The following JMJD4 variants were observed in gnomAD, a reference collection of about 807,000 sequenced individuals.
The protein encoded by JMJD4 is 2-oxoglutarate and iron-dependent oxygenase JMJD4.
Under a neutral mutation model 36.3 loss-of-function variants are expected in JMJD4, and 34 were observed. That is an observed-to-expected ratio of 0.94 (90% CI 0.71 to 1.25). The LOEUF (loss-of-function observed/expected upper bound fraction) is 1.25. Ranked by LOEUF, JMJD4 falls within the 50% of genes most tolerant of loss-of-function variation. The probability of loss-of-function intolerance (pLI) is 0.00; values close to 1 mark genes in which losing one functional copy is unlikely to be tolerated. For synonymous variants in JMJD4, 269 were observed against 235.3 expected (o/e 1.14, Z -1.31); for missense variants, 584 against 559.1 (o/e 1.04, Z -0.45).
At chr1:227,733,317 C>T in intron 4 of JMJD4, 97 bp downstream of exon 4, 4 of 1,345,456 alleles carry the variant, frequency 3.0e-6, no homozygotes, top group Non-Finnish European at 4.0e-6. Flanking sequence ...TGAGCCACCC[C>T]ATTCCAGCCC....
At position 227,733,443 on chromosome 1, in the gene JMJD4, T is replaced by G. The variant is rs775085027; in HGVS notation, c.793A>C (p.Ser265Arg). ...TTGTGCACCTGGTGGTGCCAGCCAC[T>G]GGGCACAAACACCATCTCGCCCGCT... ...QEAGEMVFVP[S>R]GWHHQVHNLD... The change falls in exon 4 of 6, where the codon AGT becomes CGT. Residue 265 changes from serine to arginine, a missense_variant. Physicochemically the swap from Ser to Arg is moderately radical, Grantham distance 110. Coordinates refer to ENST00000620518, the MANE Select transcript of JMJD4 (RefSeq NM_023007.3). 1.9e-6 allele frequency: 3 copies of G among 1,582,026 alleles called. No individual in the cohort carries two copies. Among genetic ancestry groups the G allele is most frequent in the Non-Finnish European group, 2.6e-6 (3 of 1,164,740 alleles).
Position 227,735,275 on chromosome 1 carries a change from C to A in JMJD4, c.-2G>T. The A allele has an allele frequency of 6.2e-7, 1 of 1,606,444 alleles. No homozygotes were observed. The highest frequency in any genetic ancestry group is 8.5e-7 in the Non-Finnish European group (1 of 1,177,524). ...GAGGGCGCGCGTCTCGCGGTCCATC[C>A]AGCTCAGCACGGGTCGAAGGACCCT... On this transcript the variant is annotated 5_prime_UTR_variant, in exon 1 of 6. Transcript: ENST00000620518.
rs1431013882 is a variant in JMJD4 at position 227,732,737 on chromosome 1, C to T, written c.970-61G>A. 1.9e-6 allele frequency: 3 copies of T among 1,597,148 alleles called. No homozygotes were observed. In the African/African-American group the frequency reaches 4.0e-5, roughly 21 times the overall value. ...TGGACACAGTCCAAGCTGCAAAGGACCCGACATGCGCCCAGTCCCCAAGGA... is the reference window on the plus strand; with the variant it reads ...TGGACACAGTCCAAGCTGCAAAGGATCCGACATGCGCCCAGTCCCCAAGGA... On this transcript the variant is annotated intron_variant, in intron 5 of 5. Coordinates refer to ENST00000620518, the MANE Select transcript of JMJD4 (RefSeq NM_023007.3).
intron 2 of JMJD4, 106 bp from the exon 3 acceptor site, chr1:227,734,138 G>C (rs1660886117): frequency 7.6e-7 from 1 of 1,317,940 alleles, no homozygotes; most frequent in South Asian, 1.4e-5. Flanking sequence ...GGAGCTTCCA[G>C]ATGGCTGCAG....
chr1:227,734,263 C>T (rs537361968), intron 2 of JMJD4: 4 of 535,132 alleles, frequency 7.5e-6, no homozygotes, highest in Non-Finnish European at 1.3e-5. Flanking sequence ...TGCCTATAAT[C>T]CCAGTGCTTT....
Position 227,732,393 on chromosome 1 carries a change from T to C in JMJD4, c.1253A>G (p.Ter418TrpextTer4). The C allele has an allele frequency of 6.2e-7, 1 of 1,612,104 alleles. No individual in the cohort carries two copies. The highest frequency in any genetic ancestry group is 1.1e-5 in the South Asian group (1 of 91,044). The change falls in exon 6 of 6, where the codon TAG (stop) becomes TGG (tryptophan). Residue 418 changes from the stop codon to tryptophan (W), a stop_lost. Transcript: ENST00000620518. ...GTCCTTCTATCCTCACGACAGGTGCTATGGGGCCGCAGCAGCATCAACAGC... is the reference window on the plus strand; with the variant it reads ...GTCCTTCTATCCTCACGACAGGTGCCATGGGGCCGCAGCAGCATCAACAGC... ...REAVDAAAAP[*>W] is the part of the protein sequence containing the mutation.
At position 227,732,344 on chromosome 1, in the gene JMJD4, CAGG is replaced by C. The variant is rs777049063; in HGVS notation, c.*45_*47del. 1.8e-5 allele frequency: 28 copies of C among 1,596,438 alleles called. No individual in the cohort carries two copies. In the African/African-American group the frequency reaches 3.5e-4, roughly 20 times the overall value. On this transcript the variant is annotated 3_prime_UTR_variant, in exon 6 of 6. Coordinates refer to ENST00000620518, the MANE Select transcript of JMJD4 (RefSeq NM_023007.3). ...CTTTATTTCTGGAAGGGCCCCGGAG[CAGG>C]AGGCTGCCTCTCTTCCACCCGTCCT...
Position 227,734,736 on chromosome 1 carries a change from A to G in JMJD4, c.343T>C (p.Tyr115His). The change falls in exon 2 of 6, where the codon TAC becomes CAC. Residue 115 changes from tyrosine to histidine, a missense_variant. Transcript: ENST00000620518. ...ATGTACTCTTTCCAGTAGGTGATGT[A>G]GTCTCTGAGAGTCATGTGCTCTTTG... ...NPKEHMTLRD[Y>H]ITYWKEYIQA... The G allele has an allele frequency of 1.2e-6, 2 of 1,614,114 alleles. No individual in the cohort carries two copies. The highest frequency in any genetic ancestry group is 1.1e-5 in the South Asian group (1 of 91,084).
At chr1:227,732,779 A>C in intron 5 of JMJD4, 102 bp downstream of exon 5, 2 of 1,591,222 alleles carry the variant, frequency 1.3e-6, no homozygotes, top group Non-Finnish European at 1.7e-6. Flanking sequence ...AGGGACCATT[A>C]AGACAGAGGC....
chr1:227,733,717 G>A, intron 3 of JMJD4, 36 bp from the exon 4 acceptor site: 7 of 1,598,202 alleles, frequency 4.4e-6, no homozygotes, highest in African/African-American at 1.3e-5. Flanking sequence ...ATGCCTGTAG[G>A]GGCTGGTATG....
rs772131933 is a variant in JMJD4 at position 227,735,252 on chromosome 1, G to C, written c.22C>G (p.Leu8Val). MDRETRA[L>V]ADSHFRGLGV... is the part of the protein sequence containing the mutation. Reference sequence around the variant, plus strand: ...AGGCCTCGGAAGTGGCTGTCGGCGAGGGCGCGCGTCTCGCGGTCCATCCAG... The same window carrying C: ...AGGCCTCGGAAGTGGCTGTCGGCGACGGCGCGCGTCTCGCGGTCCATCCAG... The change falls in exon 1 of 6, where the codon CTC becomes GTC. Residue 8 changes from leucine to valine, a missense_variant. By Grantham distance (32) the Leu-to-Val change is conservative. Transcript: ENST00000620518. 2 of 1,603,070 alleles carry C rather than the reference G, an allele frequency of 1.2e-6. No individual in the cohort carries two copies. Among genetic ancestry groups the C allele is most frequent in the African/African-American group, 2.7e-5 (2 of 74,474 alleles).
Position 227,734,033 on chromosome 1 carries a change from C to G in JMJD4, c.429-1G>C. 6.2e-7 allele frequency: 1 copy of G among 1,612,668 alleles called. No homozygotes were observed. The highest frequency in any genetic ancestry group is 8.5e-7 in the Non-Finnish European group (1 of 1,179,632). ...GAAAACGTCCTCCACCGGAAAGTCC[C>G]TGTGAGGAGGGCGCAAGGGCACCAC... On this transcript the variant is annotated splice_acceptor_variant, in intron 2 of 5. Transcript: ENST00000620518. LOFTEE classifies it high-confidence loss of function.
Position 227,734,715 on chromosome 1 carries a change from A to G in JMJD4, c.364T>C (p.Tyr122His), listed in dbSNP as rs770474212. 9.3e-6 allele frequency: 15 copies of G among 1,613,770 alleles called. No individual in the cohort carries two copies. The highest frequency in any genetic ancestry group is 1.2e-5 in the Non-Finnish European group (14 of 1,179,922). The change falls in exon 2 of 6, where the codon TAC becomes CAC. Residue 122 changes from tyrosine (Y) to histidine (H), a missense_variant. By Grantham distance (83) the Tyr-to-His change is moderately conservative (BLOSUM62 2). Transcript: ENST00000620518. ...GGAGAGGAGTAGCCCGCCTGTATGT[A>G]CTCTTTCCAGTAGGTGATGTAGTCT... ...LRDYITYWKE[Y>H]IQAGYSSPRG... is the part of the protein sequence containing the mutation.
chr1:227,732,875 C>T lies in JMJD4; in HGVS notation c.969+6G>A, dbSNP rs374149536. 1.5e-4 allele frequency: 238 copies of T among 1,612,372 alleles called. No homozygotes were observed. The African/African-American group carries it at 3.1e-3, about 21-fold the overall frequency. ...GGAGGGTAGCCTCCATGCGTAGCCA[C>T]CCCACCTGGCAGTGGTGGTGCCAGT... On this transcript the variant is annotated splice_donor_region_variant and intron_variant, in intron 5 of 5. Coordinates refer to ENST00000620518, the MANE Select transcript of JMJD4 (RefSeq NM_023007.3).
intron 2 of JMJD4, 81 bp from the exon 3 acceptor site, chr1:227,734,113 C>T (rs1397162035): frequency 1.3e-6 from 2 of 1,488,414 alleles, no homozygotes; most frequent in African/African-American, 2.8e-5. Flanking sequence ...GCAACTGAGA[C>T]CAATCGGCTC....
intron 5 of JMJD4, 80 bp downstream of exon 5, chr1:227,732,801 G>T: frequency 1.7e-5 from 27 of 1,595,048 alleles, no homozygotes; most frequent in Non-Finnish European, 2.3e-5. Context: ...CTGAGAAGCT[G>T]CGCGGTGACC....
At position 227,734,824 on chromosome 1, in the gene JMJD4, G is replaced by A. The variant is rs1442798297; in HGVS notation, c.263-8C>T. ...CTGGTACAACCACGTCTCCTGAAAT[G>A]AAAGGCACGGTCCATGCCATCTCCC... On this transcript the variant is annotated splice_polypyrimidine_tract_variant and splice_region_variant and intron_variant, in intron 1 of 5. Transcript: ENST00000620518. 2 of 1,613,528 alleles carry A rather than the reference G, an allele frequency of 1.2e-6. No individual in the cohort carries two copies. Among genetic ancestry groups the A allele is most frequent in the Non-Finnish European group, 1.7e-6 (2 of 1,179,996 alleles).
At position 227,733,492 on chromosome 1, in the gene JMJD4, G is replaced by A; in HGVS notation, c.744C>T (p.Gly248=). Residue 248 remains glycine (G), a synonymous_variant, in exon 4 of 6, where the codon GGC becomes GGT. Coordinates refer to ENST00000620518, the MANE Select transcript of JMJD4 (RefSeq NM_023007.3). ...CTTCCTGCGTGATCTCCAAGGGTGG[G>A]CCAGCAAGCTGGTTCCGTGGGTGCA... ...THLHPRNQLA[G]PPLEITQEAG... 1 of 1,594,372 alleles carries A rather than the reference G, an allele frequency of 6.3e-7. No individual in the cohort carries two copies. Among genetic ancestry groups the A allele is most frequent in the Non-Finnish European group, 8.5e-7 (1 of 1,170,226 alleles).
In JMJD4 at chr1:227,733,308, G is replaced by A. The variant is rs114123047; in HGVS notation, c.822+106C>T. On this transcript the variant is annotated intron_variant, in intron 4 of 5. Coordinates refer to ENST00000620518, the MANE Select transcript of JMJD4 (RefSeq NM_023007.3). ...TTGTGAAGGGGTCAGCCTCACCCATGAGCCACCCCATTCCAGCCCAGCTCT... is the reference window on the plus strand; with the variant it reads ...TTGTGAAGGGGTCAGCCTCACCCATAAGCCACCCCATTCCAGCCCAGCTCT... 8.5e-4 allele frequency: 1,079 copies of A among 1,262,972 alleles called. 7 individuals are homozygous for A. The African/African-American group carries it at 0.013, about 16-fold the overall frequency. The allele number at this position is 1,262,972 out of a possible 1,614,324, so 78.2% of individuals were successfully genotyped here. A position where few individuals can be genotyped will look rare whatever the true frequency, so the allele number is the denominator to read the frequency against.
Sources: allele counts gnomAD v4.1 joint callset, GRCh38; gene constraint gnomAD v4.1.1; transcripts MANE v1.5; gene names NCBI Gene and HGNC (gene_info 2026-07-23, HGNC 2026-07-21).